EXOSC10: variants seen among roughly 807,000 people sequenced by gnomAD.
EXOSC10 encodes exosome component 10, also known as exosome complex component 10.
EXOSC10 carries 94 observed loss-of-function variants against 126.6 expected under a neutral mutation model. The observed-to-expected ratio is 0.74, with a 90% confidence interval of 0.63 to 0.88. EXOSC10 has a LOEUF of 0.88. Ranked by LOEUF, EXOSC10 falls within the 40% of genes least tolerant of loss-of-function variation. EXOSC10 has a pLI of 0.00. For missense variants in EXOSC10, 1,041 were observed against 1,100.5 expected (o/e 0.95, Z 0.77); for synonymous variants, 395 against 400.8 (o/e 0.99, Z 0.17).
At chr1:11,091,420 G>C (rs1410876104) in intron 4 of EXOSC10, 73 bp downstream of exon 4, 1 of 1,282,008 alleles carries the variant, frequency 7.8e-7, no homozygotes, top group African/African-American at 1.5e-5. Flanking sequence ...GAACAGAAAT[G>C]CATGTTAGAA....
At chr1:11,070,543 A>G (rs1189047618) in intron 21 of EXOSC10, 3 of 144,308 alleles carry the variant, frequency 2.1e-5, no homozygotes, top group East Asian at 4.1e-4. Context: ...AAAAAAAAAA[A>G]GAGTTCCAGA....
intron 10 of EXOSC10, among the ~76,000 whole-genome samples, chr1:11,082,327 G>GCACA (rs151047804): frequency 0.011 from 1,704 of 149,490 alleles, 64 homozygotes; most frequent in South Asian, 0.069. Flanking sequence ...AGGTCATCTT[G>GCACA]CACACACACA....
intron 21 of EXOSC10, among the ~76,000 whole-genome samples, chr1:11,070,252 T>C (rs1639382309): frequency 7.6e-6 from 1 of 130,828 alleles, no homozygotes; most frequent in African/African-American, 2.6e-5. Context: ...CTATTTTTTT[T>C]TTAAAAGGAA....
At position 11,081,078 on chromosome 1, in the gene EXOSC10, G is replaced by A. The variant is rs1452405892; in HGVS notation, c.1437+4C>T. The A allele has an allele frequency of 6.2e-7, 1 of 1,614,086 alleles. No individual in the cohort carries two copies. The highest frequency in any genetic ancestry group is 1.7e-5 in the Admixed American group (1 of 60,018). ...CGGTCTGTGTGACTGCGGCTGAGGT[G>A]TACCTTGAGGCAGATGTCCCTGCTC... is the stretch of plus-strand genomic sequence containing the variant. On this transcript the variant is annotated splice_donor_region_variant and intron_variant, in intron 11 of 24. Transcript: ENST00000376936.
chr1:11,089,109 T>C (rs936556946), intron 6 of EXOSC10, among the ~76,000 whole-genome samples: 2 of 151,240 alleles, frequency 1.3e-5, no homozygotes, highest in East Asian at 3.9e-4. Flanking sequence ...TGTGTGCCTG[T>C]AGTCCCAGCT....
intron 2 of EXOSC10, among the ~76,000 whole-genome samples, chr1:11,097,455 G>A (rs906914350): frequency 7.9e-5 from 12 of 152,034 alleles, no homozygotes; most frequent in South Asian, 2.1e-4. Flanking sequence ...GGCAAGGCGC[G>A]GTGGCTCACG....
At chr1:11,079,909 C>T in intron 13 of EXOSC10, 87 bp from the exon 14 acceptor site, 1 of 1,087,094 alleles carries the variant, frequency 9.2e-7, no homozygotes, top group Admixed American at 2.1e-5. Flanking sequence ...CTGGGTAAAG[C>T]CAGGCTGCCA....
Position 11,088,186 on chromosome 1 carries a change from A to T in EXOSC10, c.771T>A (p.Pro257=). Residue 257 remains proline (P), a synonymous_variant, in exon 7 of 25, where the codon CCT becomes CCA. Coordinates refer to ENST00000376936, the MANE Select transcript of EXOSC10 (RefSeq NM_001001998.3). ...TAAAGTGATTTAGTTCATATTGATA[A>T]GGATGTGCAAACCTGAGTAAATAAA... The part of the protein sequence containing the change: ...QQVEQDMFAH[P]YQYELNHFTP... The T allele has an allele frequency of 6.2e-7, 1 of 1,610,962 alleles. No homozygotes were observed. Among genetic ancestry groups the T allele is most frequent in the Non-Finnish European group, 8.5e-7 (1 of 1,178,738 alleles).
chr1:11,099,783 C>T lies in EXOSC10; in HGVS notation c.49G>A (p.Ala17Thr), dbSNP rs369049490. ...ACCATCTCTCCGTCGGATTTGGTTG[C>T]GCTGGTCGCCGACAGGACCCTGGGC... ...REPRVLSATS[A>T]TKSDGEMVLP... The change falls in exon 1 of 25, where the codon GCA becomes ACA. Residue 17 changes from alanine (A) to threonine (T), a missense_variant. Around this residue, in one of 3 missense-constraint regions of EXOSC10, gnomAD observed 645 missense variants for 656.3 expected, o/e 0.98. Coordinates refer to ENST00000376936, the MANE Select transcript of EXOSC10 (RefSeq NM_001001998.3). 5.6e-6 allele frequency: 9 copies of T among 1,611,900 alleles called. No homozygotes were observed. Among genetic ancestry groups the T allele is most frequent in the Non-Finnish European group, 6.8e-6 (8 of 1,179,076 alleles).
intron 20 of EXOSC10, chr1:11,071,195 C>A: frequency 1.9e-6 from 1 of 539,290 alleles, no homozygotes; most frequent in Non-Finnish European, 3.3e-6. Flanking sequence ...TCCTCCCCAG[C>A]CCTGCCTGCT....
Position 11,077,394 on chromosome 1 carries a change from G to C in EXOSC10, c.1850C>G (p.Pro617Arg). Residue 617 changes from proline (P) to arginine (R), a missense_variant, in exon 16 of 25, where the codon CCG (proline) becomes CGG (arginine). Pro to Arg is a moderately radical substitution (Grantham distance 103, BLOSUM62 -2). Coordinates refer to ENST00000376936, the MANE Select transcript of EXOSC10 (RefSeq NM_001001998.3). ...GGTTGGGATGATTGGATAGCCATCC[G>C]GAGGGGCATGGGAGCAGTCGTGAGG... Reference protein sequence around the residue: ...FGPHDCSHAPPDGYPIIPTSG... With the variant: ...FGPHDCSHAPRDGYPIIPTSG... 1.2e-6 allele frequency: 2 copies of C among 1,613,292 alleles called. No individual in the cohort carries two copies. Among genetic ancestry groups the C allele is most frequent in the South Asian group, 2.2e-5 (2 of 91,062 alleles).
At chr1:11,074,084 G>C in intron 18 of EXOSC10, 76 bp from the exon 19 acceptor site, 1 of 1,462,546 alleles carries the variant, frequency 6.8e-7, no homozygotes, top group Non-Finnish European at 9.6e-7. Context: ...CGCTCAGATG[G>C]GGGGTTGCTG....
chr1:11,068,162 G>A, intron 23 of EXOSC10, 78 bp from the exon 24 acceptor site: 2 of 1,165,108 alleles, frequency 1.7e-6, no homozygotes, highest in South Asian at 1.3e-5. Flanking sequence ...CTGAGCTCAG[G>A]TGGCCAAAGA....
chr1:11,086,823 C>T (rs922532099), intron 9 of EXOSC10, among the ~76,000 whole-genome samples: 6 of 152,010 alleles, frequency 3.9e-5, no homozygotes, highest in African/African-American at 1.2e-4. Context: ...CAAAGCAGTG[C>T]GTAGAGGGAA....
rs772037217 is a variant in EXOSC10 at position 11,095,812 on chromosome 1, C to T, written c.318G>A (p.Leu106=). ...NIKDRSKVTE[L]EDKFDLLVDA... ...CAACTAGTAAATCAAACTTGTCTTC[C>T]AGCTCAGTCACTTTACTTCGATCCT... Residue 106 remains leucine, a synonymous_variant, in exon 3 of 25, where the codon CTG becomes CTA. Coordinates refer to ENST00000376936, the MANE Select transcript of EXOSC10 (RefSeq NM_001001998.3). 8 of 1,614,052 alleles carry T rather than the reference C, an allele frequency of 5.0e-6. No homozygotes were observed. Among genetic ancestry groups the T allele is most frequent in the Non-Finnish European group, 6.8e-6 (8 of 1,179,896 alleles).
rs761107353 is a variant in EXOSC10, at chr1:11,087,920, G to A, written c.835-10C>T. The A allele has an allele frequency of 1.6e-5, 25 of 1,518,064 alleles. No individual in the cohort carries two copies. In the Middle Eastern group the frequency reaches 6.8e-4, roughly 41 times the overall value. 94.0% of individuals were successfully genotyped at this position (1,518,064 alleles called of 1,614,324 possible). ...CTATAGGTCTGTATAACTGGATCAA[G>A]AGAATAGTAAGAAAAAGGGAGGAAT... is the stretch of plus-strand genomic sequence containing the variant. On this transcript the variant is annotated splice_polypyrimidine_tract_variant and intron_variant, in intron 7 of 24. Transcript: ENST00000376936.
At chr1:11,082,960 G>T in intron 9 of EXOSC10, 82 bp from the exon 10 acceptor site, 1 of 1,124,814 alleles carries the variant, frequency 8.9e-7, no homozygotes, top group Non-Finnish European at 1.3e-6. Context: ...TAGTTTATTA[G>T]AACACTGAAA....
chr1:11,093,583 T>A (rs1640911223), intron 3 of EXOSC10, among the ~76,000 whole-genome samples: 1 of 152,230 alleles, frequency 6.6e-6, no homozygotes. Flanking sequence ...ATGATCTCTA[T>A]GTATTTCTGT....
In EXOSC10 at chr1:11,079,731, G is replaced by A. The variant is rs770343987; in HGVS notation, c.1729C>T (p.Arg577Ter). 3.7e-6 allele frequency: 6 copies of A among 1,613,542 alleles called. No homozygotes were observed. In the East Asian group the frequency reaches 1.1e-4, roughly 30 times the overall value. Reference protein sequence around the residue: ...NEMHLLIQQAREMPLLKSEVA... With the variant: ...NEMHLLIQQA Reference sequence around the variant, plus strand: ...CTTACCTTGAGCAGGGGCATCTCTCGGGCCTGCTGGATTAAAAGGTGCATT... The same window carrying A: ...CTTACCTTGAGCAGGGGCATCTCTCAGGCCTGCTGGATTAAAAGGTGCATT... Residue 577 changes from arginine (R) to a stop codon, truncating the protein, a stop_gained, in exon 14 of 25, where the codon CGA becomes TGA. Transcript: ENST00000376936. LOFTEE classifies it high-confidence loss of function.
Sources: allele counts gnomAD v4.1 joint callset (sites outside exome capture counted in the v4.1 genomes callset), GRCh38; gene constraint gnomAD v4.1.1; regional missense constraint gnomAD v4.1.1; transcripts MANE v1.5; gene names NCBI Gene and HGNC (gene_info 2026-07-23, HGNC 2026-07-21).